RBM19: variants seen among roughly 807,000 people sequenced by gnomAD.
The protein encoded by RBM19 is probable RNA-binding protein 19.
Under a neutral mutation model 116.8 loss-of-function variants are expected in RBM19, and 94 were observed. The observed-to-expected ratio is 0.80, with a 90% CI of 0.68 to 0.95. The LOEUF (loss-of-function observed/expected upper bound fraction) is 0.95, where lower values mean the gene tolerates loss of function less well. Ranked by LOEUF, RBM19 falls within the 40% of genes least tolerant of loss-of-function variation. The pLI is 0.00. For missense variants in RBM19, 1,161 were observed against 1,220.7 expected, an observed-to-expected ratio of 0.95 and a Z score of 0.73; for synonymous variants, 475 against 494.1, an observed-to-expected ratio of 0.96 and a Z score of 0.51.
intron 21 of RBM19, among the ~76,000 whole-genome samples, chr12:113,896,433 A>T (rs1400273445): frequency 1.3e-5 from 2 of 152,110 alleles, no homozygotes; most frequent in Non-Finnish European, 2.9e-5. Context: ...TCCGCCCCCC[A>T]TGGGAGGGGA....
intron 21 of RBM19, among the ~76,000 whole-genome samples, chr12:113,877,439 C>T (rs1306542874): frequency 6.6e-6 from 1 of 152,158 alleles, no homozygotes; most frequent in Non-Finnish European, 1.5e-5. Flanking sequence ...TGAGCAGAGG[C>T]CTGAGTGTGG....
In RBM19 at chr12:113,918,401, C is replaced by T. The variant is rs200569958; in HGVS notation, c.2432G>A (p.Arg811Gln). The change falls in exon 20 of 24, where the codon CGA (arginine) becomes CAA (glutamine). Residue 811 changes from arginine to glutamine, a missense_variant. Arg to Gln is a conservative substitution (Grantham distance 43, BLOSUM62 1). Coordinates refer to ENST00000261741, the MANE Select transcript of RBM19 (RefSeq NM_016196.4). ...GHKLEVRISE[R>Q]ATKPAVTLAR... Reference sequence around the variant, plus strand: ...GACACTGAAGACTCACTTAGTGGCTCGTTCCGAGATCCTCACTTCCAGCTT... The same window carrying T: ...GACACTGAAGACTCACTTAGTGGCTTGTTCCGAGATCCTCACTTCCAGCTT... 132 of 1,613,872 alleles carry T rather than the reference C, an allele frequency of 8.2e-5. No individual in the cohort carries two copies. In the East Asian group the frequency reaches 1.2e-3, roughly 14 times the overall value.
chr12:113,962,092 A>T (rs1872546907), intron 2 of RBM19, 140 bp downstream of exon 2: 1 of 1,029,378 alleles, frequency 9.7e-7, no homozygotes, highest in African/African-American at 1.6e-5. Flanking sequence ...TATGCACATG[A>T]AAGTGTGTGA....
rs117306913 is a variant in RBM19 at position 113,903,462 on chromosome 12, T to G, written c.2558+11507A>C. Among the ~76,000 whole-genome samples, 1,280 of 152,338 alleles carry G rather than the reference T, an allele frequency of 8.4e-3. 9 individuals are homozygous for G. Among genetic ancestry groups the G allele is most frequent in the Non-Finnish European group, 0.013 (914 of 68,026 alleles). ...GTGTGAACGTGAGTTGTCATTTCTC[T>G]GTTGTTGATGCCCAAGAGTGCAATC... On this transcript the variant is annotated intron_variant, in intron 21 of 23. Coordinates refer to ENST00000261741, the MANE Select transcript of RBM19 (RefSeq NM_016196.4). The surrounding 1 kb of genome is among the most constrained non-coding windows in gnomAD (Gnocchi z 5.1).
intron 16 of RBM19, among the ~76,000 whole-genome samples, chr12:113,930,456 C>A (rs1202615134): frequency 6.6e-6 from 1 of 152,188 alleles, no homozygotes; most frequent in East Asian, 1.9e-4. Flanking sequence ...CAGCTGAGAC[C>A]AGTAATGGGC....
At chr12:113,912,975 G>C (rs1238717344) in intron 21 of RBM19, among the ~76,000 whole-genome samples, 2 of 152,124 alleles carry the variant, frequency 1.3e-5, no homozygotes, top group African/African-American at 2.4e-5. Flanking sequence ...AAGGTCTTAC[G>C]TTTCCAGGGT....
intron 7 of RBM19, among the ~76,000 whole-genome samples, chr12:113,953,532 G>A (rs1468324819): frequency 6.6e-6 from 1 of 152,202 alleles, no homozygotes; most frequent in Non-Finnish European, 1.5e-5. Flanking sequence ...ACAAATGTGA[G>A]AGAGTATGAT....
At chr12:113,892,856 G>A (rs528030151) in intron 21 of RBM19, among the ~76,000 whole-genome samples, 2 of 152,082 alleles carry the variant, frequency 1.3e-5, no homozygotes, top group African/African-American at 2.4e-5. Flanking sequence ...AGTGGTATCC[G>A]TGTTCGGTGC....
At chr12:113,951,342 T>A (rs1486495886) in intron 8 of RBM19, among the ~76,000 whole-genome samples, 3 of 152,100 alleles carry the variant, frequency 2.0e-5, no homozygotes, top group African/African-American at 7.2e-5. Flanking sequence ...TCAGATATGT[T>A]TCTTCCTGCT....
At chr12:113,946,242 G>T in intron 12 of RBM19, 112 bp downstream of exon 12, 1 of 1,433,100 alleles carries the variant, frequency 7.0e-7, no homozygotes, top group Non-Finnish European at 9.7e-7. Flanking sequence ...AGCTCGGTAA[G>T]GTATGAACTA....
intron 23 of RBM19, among the ~76,000 whole-genome samples, chr12:113,844,136 G>T (rs1014696300): frequency 1.3e-5 from 2 of 152,246 alleles, no homozygotes; most frequent in African/African-American, 4.8e-5. Flanking sequence ...GAGGCCACAT[G>T]ACACCACCAA....
At position 113,962,242 on chromosome 12, in the gene RBM19, G is replaced by A. The variant is rs1379079072; in HGVS notation, c.209C>T (p.Ser70Phe). The A allele has an allele frequency of 6.2e-7, 1 of 1,614,258 alleles. No individual in the cohort carries two copies. Among genetic ancestry groups the A allele is most frequent in the Admixed American group, 1.7e-5 (1 of 60,034 alleles). The change falls in exon 2 of 24, where the codon TCC (serine) becomes TTC (phenylalanine). Residue 70 changes from serine (S) to phenylalanine (F), a missense_variant. By Grantham distance (155) the Ser-to-Phe change is radical. Transcript: ENST00000261741. ...KHFNKSFIDT[S>F]RITVEFCKSF... ...CTCCTGCCCACTCACTGTGATCCGG[G>A]ATGTGTCGATGAAGCTCTTGTTGAA...
At position 113,947,354 on chromosome 12, in the gene RBM19, C is replaced by T. The variant is rs762771878; in HGVS notation, c.1387G>A (p.Val463Met). Residue 463 changes from valine to methionine, a missense_variant, in exon 11 of 24, where the codon GTG (valine) becomes ATG (methionine). Coordinates refer to ENST00000261741, the MANE Select transcript of RBM19 (RefSeq NM_016196.4). Reference protein sequence around the residue: ...PEHAVKAYSEVDGQVFQGRML... With the variant: ...PEHAVKAYSEMDGQVFQGRML... ...CTCACCTGGAATACCTGCCCGTCCA[C>T]CTCCGAGTAGGCCTTCACAGCGTGC... The T allele has an allele frequency of 6.9e-6, 11 of 1,603,180 alleles. 1 individual carries two copies. Among genetic ancestry groups the T allele is most frequent in the Middle Eastern group, 1.7e-4 (1 of 6,034 alleles).
At chr12:113,949,689 T>A (rs935799567) in intron 9 of RBM19, among the ~76,000 whole-genome samples, 3 of 152,166 alleles carry the variant, frequency 2.0e-5, no homozygotes, top group Admixed American at 6.5e-5. Flanking sequence ...CTGAACATCC[T>A]GTCCGTAGAG....
intron 23 of RBM19, among the ~76,000 whole-genome samples, chr12:113,827,617 C>G (rs374626905): frequency 6.6e-6 from 1 of 151,924 alleles, no homozygotes; most frequent in Non-Finnish European, 1.5e-5. Flanking sequence ...GGGAGAAGAG[C>G]GTGGCTGATA....
chr12:113,825,866 G>A lies in RBM19; in HGVS notation c.2786-2545C>T, dbSNP rs970240678. 3.3e-5 allele frequency among the ~76,000 whole-genome samples: 5 copies of A among 152,212 alleles called. No individual in the cohort carries two copies. The highest frequency in any genetic ancestry group is 1.2e-4 in the African/African-American group (5 of 41,456). On this transcript the variant is annotated intron_variant, in intron 23 of 23. Coordinates refer to ENST00000261741, the MANE Select transcript of RBM19 (RefSeq NM_016196.4). This position sits in a 1 kb window ranked among gnomAD's most constrained non-coding sequence, Gnocchi z 5.7. ...AGTCTGGTCTCAAACGGCAGCCAGA[G>A]GGAGCTTGTTAAATCCTCCATCACG...
At chr12:113,848,244 G>A (rs11066787) in intron 22 of RBM19, among the ~76,000 whole-genome samples, 16,638 of 152,222 alleles carry the variant, frequency 0.11, 1,202 homozygotes, top group East Asian at 0.23. Context: ...CTAAAGAGTG[G>A]GGAGAAGGGA....
intron 21 of RBM19, among the ~76,000 whole-genome samples, chr12:113,901,148 C>A (rs1881659341): frequency 6.6e-6 from 1 of 152,126 alleles, no homozygotes; most frequent in Non-Finnish European, 1.5e-5. Context: ...CATGTATGAA[C>A]CTACTAAATA....
chr12:113,951,262 T>C (rs1871439109), intron 8 of RBM19, among the ~76,000 whole-genome samples: 1 of 152,120 alleles, frequency 6.6e-6, no homozygotes, highest in Non-Finnish European at 1.5e-5. Flanking sequence ...CTTTTCAACA[T>C]TTCATGCTTG....
Sources: allele counts gnomAD v4.1 joint callset (sites outside exome capture counted in the v4.1 genomes callset), GRCh38; gene constraint gnomAD v4.1.1; non-coding constraint Gnocchi (gnomAD v3.1); transcripts MANE v1.5; gene names NCBI Gene and HGNC (gene_info 2026-07-23, HGNC 2026-07-21).